Variants in TRIO observed in about 807,000 individuals in gnomAD.
TRIO encodes the protein triple functional domain protein.
Under a neutral mutation model 351.9 loss-of-function variants are expected in TRIO, and 58 were observed. The ratio of observed to expected loss-of-function variants is 0.16; its 90% CI spans 0.13 to 0.21. TRIO has a LOEUF of 0.21. Ranked by LOEUF, TRIO falls within the 10% of genes least tolerant of loss-of-function variation. The probability of loss-of-function intolerance (pLI) is 1.00; values close to 1 mark genes in which losing one functional copy is unlikely to be tolerated. For missense variants in TRIO, 3,201 were observed against 4,027.8 expected (o/e 0.79, Z 5.56); for synonymous variants, 1,758 against 1,595.7 (o/e 1.10, Z -2.42).
chr5:14,202,294 A>ATTTTTTTTTTTTTTTTTTTT (rs60827656), intron 1 of TRIO, among the ~76,000 whole-genome samples: 3 of 33,564 alleles, frequency 8.9e-5, no homozygotes, highest in East Asian at 8.2e-4. Context: ...TATTTTTGTG[A>ATTTTTTTTTTTTTTTTTTTT]TTTTTTTTTT....
chr5:14,255,325 T>C (rs1011268213), intron 1 of TRIO, among the ~76,000 whole-genome samples: 2 of 152,178 alleles, frequency 1.3e-5, no homozygotes, highest in African/African-American at 2.4e-5. Context: ...GGTTCTCGGG[T>C]AGTGGATGGG....
At chr5:14,196,923 G>T (rs1790810818) in intron 1 of TRIO, among the ~76,000 whole-genome samples, 2 of 152,224 alleles carry the variant, frequency 1.3e-5, no homozygotes, top group South Asian at 4.1e-4. Flanking sequence ...GGCCATGCTG[G>T]ATGATTAACA....
At chr5:14,406,348 A>G in intron 32 of TRIO, 1 of 573,104 alleles carries the variant, frequency 1.7e-6, no homozygotes, top group Non-Finnish European at 3.1e-6. Context: ...TATCAACTAT[A>G]TTTTATGGTG....
chr5:14,418,324 G>T (rs972205681), intron 33 of TRIO, among the ~76,000 whole-genome samples: 1 of 152,148 alleles, frequency 6.6e-6, no homozygotes, highest in African/African-American at 2.4e-5. Flanking sequence ...TTTTTAGAAG[G>T]TCTCCTGCCA....
chr5:14,461,243 G>T lies in TRIO; in HGVS notation c.5428G>T (p.Ala1810Ser). The T allele has an allele frequency of 3.1e-6, 5 of 1,589,166 alleles. No individual in the cohort carries two copies. The highest frequency in any genetic ancestry group is 3.4e-6 in the Non-Finnish European group (4 of 1,169,208). Residue 1810 changes from alanine (A) to serine (S), a missense_variant, in exon 35 of 57, where the codon GCC becomes TCC. This residue lies in a region of TRIO where 193 missense variants were observed against 218.8 expected (regional missense o/e 0.88). Transcript: ENST00000344204. Reference sequence around the variant, plus strand: ...GAAGAGCCGCGAGGTCCGCAAGAGCGCCGACGCCGGCTCGCAGAAGGACTC... The same window carrying T: ...GAAGAGCCGCGAGGTCCGCAAGAGCTCCGACGCCGGCTCGCAGAAGGACTC... ...HKKSREVRKS[A>S]DAGSQKDSDD...
rs1229830513 is a variant in TRIO at position 14,482,917 on chromosome 5, A to T, written c.6657+144A>T. On this transcript the variant is annotated intron_variant, in intron 46 of 56. Coordinates refer to ENST00000344204, the MANE Select transcript of TRIO (RefSeq NM_007118.4). ...TAGTATATTTCAGAGCCTTGAATTC[A>T]CCCCATTTCTCTTTTTACTGTCTGT... The T allele has an allele frequency of 6.3e-6, 5 of 788,174 alleles. No homozygotes were observed. The East Asian group carries it at 1.6e-4, about 25-fold the overall frequency. 48.8% of individuals were successfully genotyped at this position (788,174 alleles called of 1,614,324 possible).
intron 34 of TRIO, among the ~76,000 whole-genome samples, chr5:14,431,874 T>C (rs1322307027): frequency 2.0e-5 from 3 of 152,352 alleles, no homozygotes; most frequent in Admixed American, 6.5e-5. Context: ...ATTCTCCATA[T>C]AGCTGTCTAT....
rs748352066 is a variant in TRIO, at chr5:14,368,756, C to A, written c.2923C>A (p.Leu975Ile). Reference sequence around the variant, plus strand: ...GGTGCAGCAGAAGGCAGAAGCCATGCTACAGGCCAACCACTACGACATGGA... The same window carrying A: ...GGTGCAGCAGAAGGCAGAAGCCATGATACAGGCCAACCACTACGACATGGA... Reference protein sequence around the residue: ...LQVQQKAEAMLQANHYDMDMI... With the variant: ...LQVQQKAEAMIQANHYDMDMI... The change falls in exon 17 of 57, where the codon CTA becomes ATA. Residue 975 changes from leucine to isoleucine, a missense_variant. Coordinates refer to ENST00000344204, the MANE Select transcript of TRIO (RefSeq NM_007118.4). 2.5e-6 allele frequency: 4 copies of A among 1,614,106 alleles called. No individual in the cohort carries two copies. The highest frequency in any genetic ancestry group is 3.4e-6 in the Non-Finnish European group (4 of 1,180,016).
intron 34 of TRIO, among the ~76,000 whole-genome samples, chr5:14,424,046 A>AAAAT (rs144336409): frequency 1.3e-5 from 2 of 151,878 alleles, no homozygotes; most frequent in South Asian, 2.1e-4. Context: ...TCATCTCTAA[A>AAAAT]AAATAAATAA....
At chr5:14,201,273 A>G (rs1791091487) in intron 1 of TRIO, among the ~76,000 whole-genome samples, 1 of 152,218 alleles carries the variant, frequency 6.6e-6, no homozygotes, top group Admixed American at 6.5e-5. Flanking sequence ...AAAATAAAAA[A>G]TAAATAAAAA....
chr5:14,281,449 A>C (rs1263004165), intron 3 of TRIO, among the ~76,000 whole-genome samples: 1 of 78,822 alleles, frequency 1.3e-5, no homozygotes, highest in African/African-American at 4.7e-5. Flanking sequence ...CCCGTGATCC[A>C]ATTACCACCC....
At chr5:14,161,320 A>C (rs1788441102) in intron 1 of TRIO, among the ~76,000 whole-genome samples, 1 of 151,962 alleles carries the variant, frequency 6.6e-6, no homozygotes, top group African/African-American at 2.4e-5. Context: ...TTGTACCTGT[A>C]CCTCTTTGTG....
rs776304521 is a variant in TRIO at position 14,327,014 on chromosome 5, T to G, written c.1732-3764T>G. Among the ~76,000 whole-genome samples, 138 of 152,208 alleles carry G rather than the reference T, an allele frequency of 9.1e-4. 3 individuals are homozygous for G. The highest frequency in any genetic ancestry group is 3.3e-4 in the Admixed American group (5 of 15,290). On this transcript the variant is annotated intron_variant, in intron 9 of 56. Coordinates refer to ENST00000344204, the MANE Select transcript of TRIO (RefSeq NM_007118.4). ...ATTTTCATGTTTATTGGAAATACGA[T>G]TTCACCTGGTATTTACATTTCTGTC...
chr5:14,389,681 G>T (rs1314200943), intron 25 of TRIO, among the ~76,000 whole-genome samples: 2 of 152,204 alleles, frequency 1.3e-5, no homozygotes, highest in Non-Finnish European at 2.9e-5. Context: ...GCCGTCAGGT[G>T]CCCTGTGACT....
chr5:14,232,154 C>A (rs902288851), intron 1 of TRIO, among the ~76,000 whole-genome samples: 15 of 152,092 alleles, frequency 9.9e-5, no homozygotes, highest in Admixed American at 2.0e-4. Context: ...TGCCTAAGGT[C>A]ATATAGCTGG....
At chr5:14,213,574 T>C (rs1792042970) in intron 1 of TRIO, among the ~76,000 whole-genome samples, 1 of 152,152 alleles carries the variant, frequency 6.6e-6, no homozygotes, top group African/African-American at 2.4e-5. Context: ...TTTTCAGATA[T>C]GAGTGGGAAA....
chr5:14,489,002 C>T (rs878877920), intron 48 of TRIO: 1 of 765,210 alleles, frequency 1.3e-6, no homozygotes, highest in South Asian at 1.3e-5. Flanking sequence ...CCTGCTTCCT[C>T]ACTGTCCTAC....
chr5:14,144,587 G>A (rs1295886953), intron 1 of TRIO, among the ~76,000 whole-genome samples: 1 of 152,114 alleles, frequency 6.6e-6, no homozygotes, highest in Non-Finnish European at 1.5e-5. Context: ...TGGCCCCGGG[G>A]GGGCGGCGCG....
At chr5:14,211,523 G>A (rs1423089307) in intron 1 of TRIO, among the ~76,000 whole-genome samples, 2 of 149,184 alleles carry the variant, frequency 1.3e-5, no homozygotes, top group Admixed American at 6.7e-5. Context: ...GTGCTTGAAG[G>A]TATATATTAA....
Sources: allele counts gnomAD v4.1 joint callset (sites outside exome capture counted in the v4.1 genomes callset), GRCh38; gene constraint gnomAD v4.1.1; regional missense constraint gnomAD v4.1.1; transcripts MANE v1.5; gene names NCBI Gene and HGNC (gene_info 2026-07-23, HGNC 2026-07-21).